The following ANAPC4 variants were observed in gnomAD, a reference collection of about 807,000 sequenced individuals.
ANAPC4 encodes anaphase promoting complex subunit 4.
A neutral mutation model predicts 119.8 loss-of-function variants in ANAPC4; 63 were observed. The observed-to-expected ratio is 0.53, with a 90% CI of 0.43 to 0.65. The LOEUF is 0.65. Ranked by LOEUF, ANAPC4 falls within the 30% of genes least tolerant of loss-of-function variation. The probability of loss-of-function intolerance (pLI) is 0.00; values close to 1 mark genes in which losing one functional copy is unlikely to be tolerated. For missense variants in ANAPC4, 716 were observed against 945.1 expected (o/e 0.76, Z 3.18); for synonymous variants, 283 against 318.6 (o/e 0.89, Z 1.19).
chr4:25,381,358 A>G (rs1721710073), intron 3 of ANAPC4, among the ~76,000 whole-genome samples: 1 of 151,122 alleles, frequency 6.6e-6, no homozygotes, highest in East Asian at 1.9e-4. Context: ...CAGTGGTGCA[A>G]TCTCGGCTCA....
Position 25,406,845 on chromosome 4 carries a change from TCA to T in ANAPC4, c.1337_1338del (p.Thr446IlefsTer4). ...TGTTGATAGATGACTCAGAAAGATA[TCA>T]CATTTGTTGCTGAATTTCTTACTGA... On this transcript the variant is annotated frameshift_variant, in exon 19 of 29. Coordinates refer to ENST00000315368, the MANE Select transcript of ANAPC4 (RefSeq NM_013367.3). LOFTEE classifies it high-confidence loss of function. 6.2e-7 allele frequency: 1 copy of T among 1,604,500 alleles called. No homozygotes were observed. Among genetic ancestry groups the T allele is most frequent in the Non-Finnish European group, 8.5e-7 (1 of 1,176,360 alleles).
At chr4:25,411,176 G>T (rs116828288) in intron 21 of ANAPC4, among the ~76,000 whole-genome samples, 2,352 of 152,268 alleles carry the variant, frequency 0.015, 72 homozygotes, top group African/African-American at 0.054. Context: ...GGAGGATAAA[G>T]GTACAGGAGA....
At chr4:25,394,227 A>T in intron 11 of ANAPC4, 83 bp from the exon 12 acceptor site, 3 of 1,096,334 alleles carry the variant, frequency 2.7e-6, no homozygotes, top group Non-Finnish European at 3.9e-6. Flanking sequence ...AAGGAAAGGG[A>T]GTCATGCTCC....
At chr4:25,394,045 G>C (rs1318633063) in intron 11 of ANAPC4, among the ~76,000 whole-genome samples, 154 bp downstream of exon 11, 1 of 152,200 alleles carries the variant, frequency 6.6e-6, no homozygotes, top group Non-Finnish European at 1.5e-5. Flanking sequence ...TGCTTCCTCA[G>C]ATTTGCCAAA....
At position 25,394,275 on chromosome 4, in the gene ANAPC4, A is replaced by G. The variant is rs200152374; in HGVS notation, c.877-35A>G. On this transcript the variant is annotated intron_variant, in intron 11 of 28. Coordinates refer to ENST00000315368, the MANE Select transcript of ANAPC4 (RefSeq NM_013367.3). ...TAAATATGCTTATAATTTAAGAAAT[A>G]CATATATCACAATTTTTTTTTCACT... 88 of 1,522,374 alleles carry G rather than the reference A, an allele frequency of 5.8e-5. No homozygotes were observed. The East Asian group carries it at 1.8e-3, about 32-fold the overall frequency. The allele number at this position is 1,522,374 out of a possible 1,614,324, so 94.3% of individuals were successfully genotyped here. A position where few individuals can be genotyped will look rare whatever the true frequency, so the allele number is the denominator to read the frequency against.
intron 16 of ANAPC4, among the ~76,000 whole-genome samples, chr4:25,398,331 T>G (rs1272410415): frequency 2.6e-5 from 4 of 152,206 alleles, no homozygotes. Context: ...GGTAGGGGAT[T>G]CAACTTTATA....
intron 10 of ANAPC4, among the ~76,000 whole-genome samples, chr4:25,393,122 CATTA>C (rs1306261362): frequency 6.6e-6 from 1 of 152,136 alleles, no homozygotes. Flanking sequence ...CTACCACAGT[CATTA>C]ATTTATTTGA....
At chr4:25,396,161 A>G (rs1257004337) in intron 14 of ANAPC4, among the ~76,000 whole-genome samples, 2 of 152,172 alleles carry the variant, frequency 1.3e-5, no homozygotes, top group African/African-American at 4.8e-5. Flanking sequence ...TTCTTCTGTT[A>G]TACCTGCACC....
intron 5 of ANAPC4, 34 bp downstream of exon 5, chr4:25,388,608 G>A: frequency 1.3e-6 from 2 of 1,571,108 alleles, no homozygotes; most frequent in Non-Finnish European, 8.7e-7. Flanking sequence ...AATTAATCTT[G>A]CAGATTTCTC....
At chr4:25,380,526 GT>G in intron 3 of ANAPC4, 47 bp downstream of exon 3, 1 of 1,421,760 alleles carries the variant, frequency 7.0e-7, no homozygotes, top group South Asian at 1.3e-5. Context: ...TTCACAAAGA[GT>G]ATTCTGTAAA....
chr4:25,417,914 C>T, intron 28 of ANAPC4, 175 bp downstream of exon 28: 1 of 960,870 alleles, frequency 1.0e-6, no homozygotes, highest in Non-Finnish European at 1.5e-6. Context: ...AGTTCTTGTT[C>T]TGATAAAGCT....
At chr4:25,398,972 C>T (rs991743122) in intron 16 of ANAPC4, among the ~76,000 whole-genome samples, 2 of 150,858 alleles carry the variant, frequency 1.3e-5, no homozygotes, top group East Asian at 3.9e-4. Flanking sequence ...TTTGGACATA[C>T]TAGATTGTTC....
chr4:25,414,804 CT>C lies in ANAPC4; in HGVS notation c.1826+108del, dbSNP rs1355558082. 429 of 1,060,406 alleles carry C rather than the reference CT, an allele frequency of 4.0e-4. 1 individual carries two copies. Among genetic ancestry groups the C allele is most frequent in the Non-Finnish European group, 1.0e-4 (82 of 793,588 alleles). The allele number at this position is 1,060,406 out of a possible 1,614,324, so 65.7% of individuals were successfully genotyped here. On this transcript the variant is annotated intron_variant, in intron 25 of 28. Coordinates refer to ENST00000315368, the MANE Select transcript of ANAPC4 (RefSeq NM_013367.3). ...TTTCAGATTTTAAACTACTTTGTGACTTTTAGATGTGTCATTTAATTGTTAG... is the reference window on the plus strand; with the variant it reads ...TTTCAGATTTTAAACTACTTTGTGACTTTAGATGTGTCATTTAATTGTTAG...
chr4:25,381,100 T>C (rs992018637), intron 3 of ANAPC4, among the ~76,000 whole-genome samples: 1 of 152,222 alleles, frequency 6.6e-6, no homozygotes, highest in African/African-American at 2.4e-5. Flanking sequence ...CACAGTAAAA[T>C]GCTGTAAACC....
chr4:25,407,074 C>A, intron 19 of ANAPC4, 123 bp from the exon 20 acceptor site: 2 of 937,124 alleles, frequency 2.1e-6, no homozygotes, highest in African/African-American at 1.7e-5. Context: ...GTCTTATAAT[C>A]TATAAAAGAA....
chr4:25,394,954 G>A (rs771523839), intron 14 of ANAPC4, 49 bp downstream of exon 14: 1 of 1,398,190 alleles, frequency 7.2e-7, no homozygotes, highest in Non-Finnish European at 9.9e-7. Context: ...CACATACCTG[G>A]CGTTGGCCTT....
chr4:25,412,084 T>G (rs989431884), intron 21 of ANAPC4, among the ~76,000 whole-genome samples: 3 of 152,162 alleles, frequency 2.0e-5, no homozygotes, highest in Non-Finnish European at 2.9e-5. Context: ...TCAGGTTGGA[T>G]AATTTTGCTA....
chr4:25,378,368 C>T (rs1721525283), intron 2 of ANAPC4, among the ~76,000 whole-genome samples: 1 of 152,208 alleles, frequency 6.6e-6, no homozygotes, highest in East Asian at 1.9e-4. Flanking sequence ...TAGCACCCTG[C>T]AGACTGTAGT....
At chr4:25,402,929 C>A in intron 16 of ANAPC4, 42 bp from the exon 17 acceptor site, 1 of 1,185,042 alleles carries the variant, frequency 8.4e-7, no homozygotes, top group Non-Finnish European at 1.2e-6. Context: ...GAATCCCCCA[C>A]ACACTAATCT....
Sources: allele counts gnomAD v4.1 joint callset (sites outside exome capture counted in the v4.1 genomes callset), GRCh38; gene constraint gnomAD v4.1.1; transcripts MANE v1.5; gene names NCBI Gene and HGNC (gene_info 2026-07-23, HGNC 2026-07-21).